FRS2: variants seen among roughly 807,000 people sequenced by gnomAD.
The protein encoded by FRS2 is fibroblast growth factor receptor substrate 2.
FRS2 carries 8 observed loss-of-function variants against 43.9 expected under a neutral mutation model. The observed-to-expected ratio is 0.18, with a 90% confidence interval of 0.11 to 0.33. FRS2 has a LOEUF of 0.33. Ranked by LOEUF, FRS2 falls within the 10% of genes least tolerant of loss-of-function variation. The pLI is 1.00. For missense variants in FRS2, 534 were observed against 627.6 expected (o/e 0.85, Z 1.59); for synonymous variants, 219 against 220.3 (o/e 0.99, Z 0.05).
intron 1 of FRS2, among the ~76,000 whole-genome samples, chr12:69,485,622 A>C (rs1871862561): frequency 6.6e-6 from 1 of 152,022 alleles, no homozygotes; most frequent in Non-Finnish European, 1.5e-5. Flanking sequence ...AGCTGGGATT[A>C]CAGGCTCCCG....
intron 1 of FRS2, among the ~76,000 whole-genome samples, chr12:69,501,356 G>C (rs768473895): frequency 1.3e-5 from 2 of 152,154 alleles, no homozygotes; most frequent in African/African-American, 4.8e-5. Flanking sequence ...GTGATTCTGT[G>C]GGGGTGGAAA....
chr12:69,551,204 T>C (rs1878841007), intron 3 of FRS2, among the ~76,000 whole-genome samples: 1 of 152,092 alleles, frequency 6.6e-6, no homozygotes, highest in Admixed American at 6.5e-5. Context: ...TTTAAAAAAT[T>C]AGCTGGGTGT....
chr12:69,536,403 G>GT lies in FRS2; in HGVS notation c.-122+4348dup, dbSNP rs772459819. Among the ~76,000 whole-genome samples the GT allele has an allele frequency of 4.3e-4, 66 of 151,758 alleles. 1 individual carries two copies. The highest frequency in any genetic ancestry group is 9.0e-4 in the Non-Finnish European group (61 of 67,952). On this transcript the variant is annotated intron_variant, in intron 3 of 8. Transcript: ENST00000549921. ...CTCCCAAAGTGCTGGGATTACAGGC[G>GT]TGAGTCCCCGCACCCGGCCAGTATT...
intron 6 of FRS2, among the ~76,000 whole-genome samples, 180 bp downstream of exon 6, chr12:69,570,697 A>G (rs1032868604): frequency 1.3e-5 from 2 of 152,218 alleles, no homozygotes; most frequent in Non-Finnish European, 2.9e-5. Flanking sequence ...CACATTGTCT[A>G]TGTGAGAAAT....
At chr12:69,511,099 G>T (rs753335800) in intron 1 of FRS2, among the ~76,000 whole-genome samples, 1 of 152,172 alleles carries the variant, frequency 6.6e-6, no homozygotes, top group African/African-American at 2.4e-5. Flanking sequence ...GGCAGTGCCA[G>T]TACTTGTGCT....
intron 3 of FRS2, among the ~76,000 whole-genome samples, chr12:69,550,756 C>T (rs1459717603): frequency 1.3e-5 from 2 of 152,186 alleles, no homozygotes; most frequent in African/African-American, 4.8e-5. Flanking sequence ...TGAATCATTT[C>T]TGGGAATACA....
At chr12:69,517,256 G>C (rs116449313) in intron 1 of FRS2, among the ~76,000 whole-genome samples, 2 of 152,058 alleles carry the variant, frequency 1.3e-5, no homozygotes, top group Non-Finnish European at 2.9e-5. Context: ...TGTTTCATGG[G>C]CAAAATTATT....
At chr12:69,570,619 C>T in intron 6 of FRS2, 102 bp downstream of exon 6, 1 of 682,400 alleles carries the variant, frequency 1.5e-6, no homozygotes, top group Non-Finnish European at 2.5e-6. Context: ...GAAAAAAATC[C>T]CAAAATAAAC....
rs1372414251 is a variant in FRS2, at chr12:69,574,757, T to C, written c.1329T>C (p.Gly443=). The change falls in exon 9 of 9, where the codon GGT becomes GGC. Residue 443 remains glycine, a synonymous_variant. Transcript: ENST00000549921. ...ATTACATACAGGTTGACTTGGAAGG[T>C]GGCAGTGACTCTGACAACCCTCAGA... ...QLNYIQVDLE[G]GSDSDNPQTP... The C allele has an allele frequency of 6.2e-7, 1 of 1,614,144 alleles. No homozygotes were observed. The highest frequency in any genetic ancestry group is 8.5e-7 in the Non-Finnish European group (1 of 1,180,022).
chr12:69,492,947 A>G (rs1213954284), intron 1 of FRS2, among the ~76,000 whole-genome samples: 1 of 152,130 alleles, frequency 6.6e-6, no homozygotes, highest in Non-Finnish European at 1.5e-5. Context: ...GAATGCGTCT[A>G]TTTTCCTTTA....
chr12:69,558,640 G>C (rs764728636), intron 3 of FRS2, among the ~76,000 whole-genome samples: 4 of 152,176 alleles, frequency 2.6e-5, no homozygotes, highest in Admixed American at 6.5e-5. Context: ...ATAGGGACCA[G>C]CTTTCCCAGG....
chr12:69,574,084 G>A lies in FRS2; in HGVS notation c.656G>A (p.Arg219Lys). The part of the protein sequence containing the change: ...RTSVHVPLEA[R>K]VSNAESSTPK... Reference sequence around the variant, plus strand: ...AGTGTGCATGTTCCATTGGAGGCGAGGGTTTCTAACGCTGAAAGCAGCACA... The same window carrying A: ...AGTGTGCATGTTCCATTGGAGGCGAAGGTTTCTAACGCTGAAAGCAGCACA... The change falls in exon 9 of 9, where the codon AGG becomes AAG. Residue 219 changes from arginine (R) to lysine (K), a missense_variant. Arg to Lys is a conservative substitution (Grantham distance 26). This residue lies in a region of FRS2 where 446 missense variants were observed against 494.2 expected (regional missense o/e 0.90). Transcript: ENST00000549921. 6.2e-7 allele frequency: 1 copy of A among 1,614,188 alleles called. No homozygotes were observed.
At chr12:69,502,848 A>T (rs959092473) in intron 1 of FRS2, among the ~76,000 whole-genome samples, 22 of 152,302 alleles carry the variant, frequency 1.4e-4, no homozygotes, top group Non-Finnish European at 2.5e-4. Flanking sequence ...CTGAAGCTAG[A>T]AGTAAATCTA....
At chr12:69,511,122 G>A (rs2135574063) in intron 1 of FRS2, among the ~76,000 whole-genome samples, 1 of 152,212 alleles carries the variant, frequency 6.6e-6, no homozygotes, top group East Asian at 1.9e-4. Context: ...TTTTCTCCCT[G>A]AGGAGGGTTT....
intron 3 of FRS2, among the ~76,000 whole-genome samples, chr12:69,556,008 C>T (rs1457684658): frequency 8.1e-5 from 10 of 123,548 alleles, no homozygotes; most frequent in African/African-American, 2.7e-4. Flanking sequence ...GTGTGTGTGG[C>T]GGGGGGGGGG....
At position 69,487,186 on chromosome 12, in the gene FRS2, G is replaced by C. The variant is rs1592923154; in HGVS notation, c.-261+16656G>C. 2.0e-5 allele frequency among the ~76,000 whole-genome samples: 3 copies of C among 152,186 alleles called. No individual in the cohort carries two copies. In the East Asian group the frequency reaches 5.8e-4, roughly 29 times the overall value. On this transcript the variant is annotated intron_variant, in intron 1 of 8. Coordinates refer to ENST00000549921, the MANE Select transcript of FRS2 (RefSeq NM_001278356.2). Reference sequence around the variant, plus strand: ...AGAACTAATTTAGATAATTGATGAAGGTGGCTACCCTGAACAACAAATTTT... The same window carrying C: ...AGAACTAATTTAGATAATTGATGAACGTGGCTACCCTGAACAACAAATTTT...
In FRS2 at chr12:69,574,246, G is replaced by A. The variant is rs748890213; in HGVS notation, c.818G>A (p.Arg273Lys). ...MEKEKLEQLG[R>K]DQVSGSGANN... Reference sequence around the variant, plus strand: ...AAAGAGAAACTGGAGCAACTTGGAAGAGATCAAGTTAGTGGAAGTGGAGCA... The same window carrying A: ...AAAGAGAAACTGGAGCAACTTGGAAAAGATCAAGTTAGTGGAAGTGGAGCA... Residue 273 changes from arginine to lysine, a missense_variant, in exon 9 of 9, where the codon AGA becomes AAA. This residue lies in a region of FRS2 where 446 missense variants were observed against 494.2 expected (regional missense o/e 0.90). Coordinates refer to ENST00000549921, the MANE Select transcript of FRS2 (RefSeq NM_001278356.2). The A allele has an allele frequency of 1.2e-5, 19 of 1,613,948 alleles. No homozygotes were observed. Among genetic ancestry groups the A allele is most frequent in the Non-Finnish European group, 1.5e-5 (18 of 1,179,878 alleles).
At chr12:69,543,240 A>G (rs1878076523) in intron 3 of FRS2, among the ~76,000 whole-genome samples, 1 of 152,230 alleles carries the variant, frequency 6.6e-6, no homozygotes. Context: ...ATTAAGTAAC[A>G]TATGTTAATA....
intron 3 of FRS2, among the ~76,000 whole-genome samples, chr12:69,554,786 T>C (rs1303496548): frequency 6.6e-6 from 1 of 151,664 alleles, no homozygotes; most frequent in African/African-American, 2.4e-5. Flanking sequence ...CTCACTGCAC[T>C]GTTGGCCTCC....
Sources: gnomAD v4.1 joint callset for allele counts (sites outside exome capture counted in the v4.1 genomes callset) on GRCh38, gnomAD v4.1.1 for gene constraint, gnomAD v4.1.1 regional missense constraint, MANE v1.5 for transcripts, NCBI Gene and HGNC (gene_info 2026-07-23, HGNC 2026-07-21) for gene names.